The following NCOR1 variants were observed in gnomAD, a reference collection of about 807,000 sequenced individuals.
The protein encoded by NCOR1 is protein phosphatase 1, regulatory subunit 109.
In NCOR1, 63 loss-of-function variants were observed where a neutral mutation model predicts 288.1. The observed-to-expected ratio is 0.22, with a 90% CI of 0.18 to 0.27. NCOR1 has a LOEUF of 0.27. Among genes scored for constraint, NCOR1 ranks in the 10% least tolerant of loss-of-function variants. NCOR1 has a pLI of 1.00. For synonymous variants in NCOR1, 1,007 were observed against 1,065.9 expected, an observed-to-expected ratio of 0.94 and a Z score of 1.08; for missense variants, 2,397 against 3,019.2, an observed-to-expected ratio of 0.79 and a Z score of 4.83.
intron 22 of NCOR1, among the ~76,000 whole-genome samples, chr17:16,088,172 C>A (rs2064551305): frequency 6.6e-6 from 1 of 152,190 alleles, no homozygotes; most frequent in Non-Finnish European, 1.5e-5. Context: ...AATTTAAAAT[C>A]ATTGAGTACT....
chr17:16,189,885 T>C (rs1235461556), intron 2 of NCOR1, among the ~76,000 whole-genome samples: 4 of 152,146 alleles, frequency 2.6e-5, no homozygotes, highest in Admixed American at 6.5e-5. Context: ...CAGCAAATAA[T>C]AGCATATTTC....
At chr17:16,145,533 C>G in intron 10 of NCOR1, among the ~76,000 whole-genome samples, 1 of 143,200 alleles carries the variant, frequency 7.0e-6, no homozygotes, top group East Asian at 1.9e-4. Context: ...AACTGAGGAG[C>G]GTCTCTGCCC....
chr17:16,153,216 C>A (rs2079145437), intron 7 of NCOR1, 123 bp downstream of exon 7: 3 of 644,264 alleles, frequency 4.7e-6, no homozygotes, highest in Middle Eastern at 3.2e-4. Flanking sequence ...TCTCAAGCTA[C>A]ATCTCTGCTC....
intron 15 of NCOR1, among the ~76,000 whole-genome samples, chr17:16,124,108 G>A (rs2073548576): frequency 2.0e-5 from 3 of 152,112 alleles, no homozygotes; most frequent in African/African-American, 7.2e-5. Flanking sequence ...TCTTCCTCAG[G>A]TATAAAATTA....
At chr17:16,168,655 A>G (rs914478449) in intron 4 of NCOR1, among the ~76,000 whole-genome samples, 1 of 152,116 alleles carries the variant, frequency 6.6e-6, no homozygotes, top group Non-Finnish European at 1.5e-5. Context: ...ATAAGTAAGA[A>G]TGTATACAAA....
intron 1 of NCOR1, among the ~76,000 whole-genome samples, chr17:16,209,479 T>C (rs994780179): frequency 2.6e-5 from 4 of 152,006 alleles, no homozygotes; most frequent in Non-Finnish European, 5.9e-5. Context: ...CCCAGCACTT[T>C]GGGAGGCCAT....
intron 1 of NCOR1, among the ~76,000 whole-genome samples, chr17:16,197,121 G>C (rs1427667606): frequency 6.6e-6 from 1 of 151,926 alleles, no homozygotes; most frequent in Non-Finnish European, 1.5e-5. Context: ...GGAGTTCAAG[G>C]ACAGCCTGGC....
chr17:16,051,483 C>G (rs1459920080), intron 40 of NCOR1, among the ~76,000 whole-genome samples: 2 of 152,164 alleles, frequency 1.3e-5, no homozygotes, highest in Non-Finnish European at 2.9e-5. Flanking sequence ...ATCTCTGGGA[C>G]ACAGCTAAGG....
intron 33 of NCOR1, 109 bp downstream of exon 33, chr17:16,065,376 T>TTTTC (rs1188511213): frequency 8.1e-7 from 1 of 1,239,804 alleles, no homozygotes; most frequent in African/African-American, 1.5e-5. Context: ...TATAGTATTC[T>TTTTC]TTTCTTTCTT....
chr17:16,111,183 C>T (rs1051990138), intron 18 of NCOR1, among the ~76,000 whole-genome samples: 2 of 152,210 alleles, frequency 1.3e-5, no homozygotes, highest in Non-Finnish European at 2.9e-5. Flanking sequence ...CAACTTTTTA[C>T]CCTACTACAA....
At chr17:16,119,615 C>A in intron 16 of NCOR1, 130 bp from the exon 17 acceptor site, 1 of 548,514 alleles carries the variant, frequency 1.8e-6, no homozygotes, top group South Asian at 3.7e-5. Context: ...AAAGAAACTG[C>A]AGAAATAGGA....
At chr17:16,196,869 TAGTC>T (rs770265029) in intron 1 of NCOR1, among the ~76,000 whole-genome samples, 14 of 150,032 alleles carry the variant, frequency 9.3e-5, no homozygotes, top group African/African-American at 3.2e-4. Context: ...AAAAAATAAT[TAGTC>T]AGGCATGGCG....
Position 16,108,862 on chromosome 17 carries a change from G to C in NCOR1, c.2106C>G (p.Val702=), listed in dbSNP as rs780218094. 1.9e-6 allele frequency: 3 copies of C among 1,606,442 alleles called. No individual in the cohort carries two copies. The South Asian group carries it at 3.3e-5, about 18-fold the overall frequency. Residue 702 remains valine, a synonymous_variant, in exon 19 of 46, where the codon GTC becomes GTG. Coordinates refer to ENST00000268712, the MANE Select transcript of NCOR1 (RefSeq NM_006311.4). ...EERDVSQCES[V]ASTVSAQEDE... is the part of the protein sequence containing the mutation. ...CCTCCTGAGCAGAAACAGTGGAAGC[G>C]ACACTTTCACATTGAGACACATCTC...
chr17:16,190,344 C>CT (rs933278846), intron 2 of NCOR1, among the ~76,000 whole-genome samples: 121 of 146,740 alleles, frequency 8.2e-4, no homozygotes, highest in East Asian at 1.4e-3. Context: ...GAAAGAATTT[C>CT]TTTTTTTTTT....
At position 16,058,548 on chromosome 17, in the gene NCOR1, G is replaced by A. The variant is rs1233092866; in HGVS notation, c.5933C>T (p.Pro1978Leu). Reference protein sequence around the residue: ...TPSDAIEVISPASSPAPPQEK... With the variant: ...TPSDAIEVISLASSPAPPQEK... ...CTGGGGTGGCGCAGGTGAGCTGGCA[G>A]GACTTATCACCTCAATAGCATCGCT... The change falls in exon 38 of 46, where the codon CCT (proline) becomes CTT (leucine). Residue 1978 changes from proline (P) to leucine (L), a missense_variant. Physicochemically the swap from Pro to Leu is moderately conservative, Grantham distance 98. Coordinates refer to ENST00000268712, the MANE Select transcript of NCOR1 (RefSeq NM_006311.4). 1 of 1,613,680 alleles carries A rather than the reference G, an allele frequency of 6.2e-7. No individual in the cohort carries two copies. The highest frequency in any genetic ancestry group is 8.5e-7 in the Non-Finnish European group (1 of 1,179,730).
chr17:16,192,386 T>C (rs1172743218), intron 2 of NCOR1, among the ~76,000 whole-genome samples: 1 of 152,130 alleles, frequency 6.6e-6, no homozygotes, highest in Non-Finnish European at 1.5e-5. Context: ...CCGGGCACAG[T>C]GGCTCACGCC....
intron 22 of NCOR1, among the ~76,000 whole-genome samples, chr17:16,089,407 G>A (rs966556802): frequency 6.6e-6 from 1 of 152,010 alleles, no homozygotes; most frequent in Admixed American, 6.5e-5. Context: ...AGGTCAACTC[G>A]TATAAATGTT....
chr17:16,092,791 C>T (rs557071062), intron 21 of NCOR1, among the ~76,000 whole-genome samples: 5 of 146,874 alleles, frequency 3.4e-5, no homozygotes, highest in East Asian at 2.0e-4. Flanking sequence ...GTCCACCTCC[C>T]GGGTTCAAGC....
At chr17:16,057,840 A>G in intron 39 of NCOR1, 67 bp downstream of exon 39, 3 of 1,500,450 alleles carry the variant, frequency 2.0e-6, no homozygotes, top group South Asian at 1.3e-5. Flanking sequence ...TTCTTTTTCT[A>G]TATGAAATCT....
Sources: gnomAD v4.1 joint callset for allele counts (sites outside exome capture counted in the v4.1 genomes callset) on GRCh38, gnomAD v4.1.1 for gene constraint, MANE v1.5 for transcripts, NCBI Gene and HGNC (gene_info 2026-07-23, HGNC 2026-07-21) for gene names.